Variants in LONRF2 observed in about 807,000 individuals in gnomAD.
LONRF2 encodes the protein LON peptidase N-terminal domain and RING finger protein 2.
LONRF2 carries 35 observed loss-of-function variants against 66.6 expected under a neutral mutation model. That is an observed-to-expected ratio of 0.53 (90% confidence interval 0.40 to 0.70). The LOEUF is 0.70. Among genes scored for constraint, LONRF2 ranks in the 30% least tolerant of loss-of-function variants. The pLI is 0.00. For missense variants in LONRF2, 902 were observed against 1,002.1 expected (o/e 0.90, Z 1.35); for synonymous variants, 417 against 418.1 (o/e 1.00, Z 0.03).
intron 11 of LONRF2, among the ~76,000 whole-genome samples, chr2:100,284,795 G>A (rs1674811995): frequency 6.6e-6 from 1 of 152,188 alleles, no homozygotes; most frequent in African/African-American, 2.4e-5. Flanking sequence ...ACCAGTCAGA[G>A]GAGAATACTA....
intron 1 of LONRF2, among the ~76,000 whole-genome samples, chr2:100,311,207 G>A (rs1050425195): frequency 2.0e-5 from 3 of 152,058 alleles, no homozygotes; most frequent in African/African-American, 4.8e-5. Context: ...CTAAAAGATT[G>A]GTGAAAATGC....
intron 9 of LONRF2, among the ~76,000 whole-genome samples, chr2:100,291,736 C>T (rs937390262): frequency 3.9e-5 from 6 of 152,100 alleles, no homozygotes; most frequent in Admixed American, 3.9e-4. Context: ...CAGCCCCTAC[C>T]TCTGCATGTC....
chr2:100,296,380 T>C (rs1255411124), intron 7 of LONRF2, among the ~76,000 whole-genome samples: 10 of 152,210 alleles, frequency 6.6e-5, no homozygotes, highest in African/African-American at 2.4e-4. Flanking sequence ...TTCTCTCCAC[T>C]GCGCTCATAA....
At chr2:100,305,680 T>A (rs914837650) in intron 2 of LONRF2, among the ~76,000 whole-genome samples, 10 of 152,202 alleles carry the variant, frequency 6.6e-5, no homozygotes, top group Admixed American at 5.9e-4. Flanking sequence ...CAACAAATCA[T>A]CAGTTTCATC....
chr2:100,314,428 G>T lies in LONRF2; in HGVS notation c.680-5203C>A, dbSNP rs1039380482. On this transcript the variant is annotated intron_variant, in intron 1 of 11. Coordinates refer to ENST00000393437, the MANE Select transcript of LONRF2 (RefSeq NM_198461.4). ...TGCCTATTACGTAGTTTCAGCTAAA[G>T]TTGTTTCTATCAATGGTGTTAAGTG... 2.0e-5 allele frequency among the ~76,000 whole-genome samples: 3 copies of T among 152,154 alleles called. No homozygotes were observed. The East Asian group carries it at 5.8e-4, about 29-fold the overall frequency.
At chr2:100,297,432 C>T (rs943832611) in intron 7 of LONRF2, among the ~76,000 whole-genome samples, 4 of 152,186 alleles carry the variant, frequency 2.6e-5, no homozygotes, top group Non-Finnish European at 4.4e-5. Flanking sequence ...CCACTGCACC[C>T]GGCCAAGCAG....
At chr2:100,290,032 G>A (rs1247857162) in intron 10 of LONRF2, among the ~76,000 whole-genome samples, 4 of 152,114 alleles carry the variant, frequency 2.6e-5, no homozygotes, top group African/African-American at 9.7e-5. Context: ...GTTTGAGCCT[G>A]GGAGGTCAAG....
intron 2 of LONRF2, 30 bp downstream of exon 2, chr2:100,309,077 A>C: frequency 7.3e-7 from 1 of 1,378,642 alleles, no homozygotes; most frequent in Non-Finnish European, 1.0e-6. Flanking sequence ...CTTCACATTG[A>C]TTATCTCCAA....
intron 3 of LONRF2, among the ~76,000 whole-genome samples, chr2:100,301,565 C>T (rs1559179138): frequency 1.3e-5 from 2 of 152,242 alleles, no homozygotes; most frequent in Non-Finnish European, 2.9e-5. Flanking sequence ...TCTGAGCAGC[C>T]TCAACAGAGC....
intron 10 of LONRF2, 51 bp downstream of exon 10, chr2:100,290,207 G>A: frequency 6.5e-7 from 1 of 1,534,546 alleles, no homozygotes. Context: ...CAATGCAAAG[G>A]GAAGCGAGAG....
At chr2:100,301,214 T>A (rs980360198) in intron 3 of LONRF2, among the ~76,000 whole-genome samples, 2 of 152,158 alleles carry the variant, frequency 1.3e-5, no homozygotes, top group Admixed American at 1.3e-4. Flanking sequence ...ACCCACCTCG[T>A]AAAGAACTTT....
chr2:100,293,767 A>G (rs1212220461), intron 9 of LONRF2, among the ~76,000 whole-genome samples: 2 of 152,270 alleles, frequency 1.3e-5, no homozygotes, highest in East Asian at 3.9e-4. Context: ...TTTTGTAGAG[A>G]TGGGGTCTCC....
chr2:100,289,499 G>A (rs1007183112), intron 10 of LONRF2, among the ~76,000 whole-genome samples: 1 of 133,000 alleles, frequency 7.5e-6, no homozygotes, highest in African/African-American at 2.9e-5. Context: ...GCAGTGGCAC[G>A]ATCTCAGCTC....
chr2:100,313,260 C>T (rs745476794), intron 1 of LONRF2, among the ~76,000 whole-genome samples: 6 of 152,122 alleles, frequency 3.9e-5, no homozygotes, highest in African/African-American at 7.2e-5. Flanking sequence ...TTTGGGAGGC[C>T]GAGGTGGGCG....
chr2:100,322,235 G>T lies in LONRF2; in HGVS notation c.-142C>A. The T allele has an allele frequency of 1.2e-6, 1 of 867,720 alleles. No individual in the cohort carries two copies. The highest frequency in any genetic ancestry group is 1.5e-6 in the Non-Finnish European group (1 of 668,080). 53.8% of individuals were successfully genotyped at this position (867,720 alleles called of 1,614,324 possible). ...CGTCTGGGGGCGGCGCGCTGCGAGCGGCTGAGACCGCGGGCGGGGGCGGGC... is the reference window on the plus strand; with the variant it reads ...CGTCTGGGGGCGGCGCGCTGCGAGCTGCTGAGACCGCGGGCGGGGGCGGGC... On this transcript the variant is annotated 5_prime_UTR_variant, in exon 1 of 12. Transcript: ENST00000393437.
At chr2:100,302,821 A>G in intron 3 of LONRF2, 100 bp downstream of exon 3, 1 of 1,206,622 alleles carries the variant, frequency 8.3e-7, no homozygotes, top group Non-Finnish European at 1.1e-6. Flanking sequence ...AACATTCAGA[A>G]TTATATTTCT....
chr2:100,289,464 C>G (rs1428807399), intron 10 of LONRF2, among the ~76,000 whole-genome samples: 1 of 106,406 alleles, frequency 9.4e-6, no homozygotes, highest in African/African-American at 3.8e-5. Context: ...GAGATGGAGT[C>G]TTGCTCTGTC....
At chr2:100,308,594 G>T (rs1368980671) in intron 2 of LONRF2, among the ~76,000 whole-genome samples, 1 of 152,020 alleles carries the variant, frequency 6.6e-6, no homozygotes, top group Admixed American at 6.5e-5. Context: ...ATCATTATTA[G>T]ATCCGCAAAG....
In LONRF2 at chr2:100,306,925, C is replaced by CT. The variant is rs34262421; in HGVS notation, c.798+2181dup. Among the ~76,000 whole-genome samples, 50 of 119,982 alleles carry CT rather than the reference C, an allele frequency of 4.2e-4. 1 individual carries two copies. The highest frequency in any genetic ancestry group is 1.6e-3 in the South Asian group (6 of 3,826). The allele number at this position is 119,982 out of a possible 152,430, so 78.7% of individuals were successfully genotyped here. A position where few individuals can be genotyped will look rare whatever the true frequency, so the allele number is the denominator to read the frequency against. On this transcript the variant is annotated intron_variant, in intron 2 of 11. Coordinates refer to ENST00000393437, the MANE Select transcript of LONRF2 (RefSeq NM_198461.4). ...TTTTTTTTTGAGGTGGAGTCTCGCT[C>CT]TTTTTTTTTTTTTGAGGTGGAGTCT...
Sources: gnomAD v4.1 joint callset for allele counts (sites outside exome capture counted in the v4.1 genomes callset) on GRCh38, gnomAD v4.1.1 for gene constraint, MANE v1.5 for transcripts, NCBI Gene and HGNC (gene_info 2026-07-23, HGNC 2026-07-21) for gene names.